SEC16A: variants seen among roughly 807,000 people sequenced by gnomAD.
SEC16A encodes protein transport protein Sec16A.
SEC16A carries 110 observed loss-of-function variants against 221.9 expected under a neutral mutation model. The ratio of observed to expected loss-of-function variants is 0.50; its 90% CI spans 0.42 to 0.58. The LOEUF is 0.58. SEC16A is among the 20% of genes least tolerant of loss of function. SEC16A has a pLI of 0.00. For synonymous variants in SEC16A, 1,393 were observed against 1,257.7 expected, an observed-to-expected ratio of 1.11 and a Z score of -2.28; for missense variants, 3,165 against 3,097.8, an observed-to-expected ratio of 1.02 and a Z score of -0.52.
chr9:136,479,246 C>T (rs1462768895), intron 1 of SEC16A, among the ~76,000 whole-genome samples: 1 of 152,194 alleles, frequency 6.6e-6, no homozygotes, highest in Admixed American at 6.5e-5. Context: ...AAGTTCTTTT[C>T]TTTCTATCAG....
chr9:136,463,949 G>A lies in SEC16A; in HGVS notation c.4447-209C>T, dbSNP rs975908414. ...GCCATGATTTCAAACTTTATTTTAA[G>A]TAGTGAAATCCATTTTCTCTCCCCA... On this transcript the variant is annotated intron_variant, in intron 9 of 31. Coordinates refer to ENST00000684901, the MANE Select transcript of SEC16A (RefSeq NM_014866.2). Among the ~76,000 whole-genome samples the A allele has an allele frequency of 5.3e-5, 8 of 152,358 alleles. No individual in the cohort carries two copies. In the South Asian group the frequency reaches 6.2e-4, roughly 12 times the overall value.
chr9:136,450,691 C>G (rs769648053), intron 23 of SEC16A, among the ~76,000 whole-genome samples: 10 of 152,164 alleles, frequency 6.6e-5, no homozygotes, highest in Non-Finnish European at 1.0e-4. Flanking sequence ...ATCCAGGGCC[C>G]TTGTCCTCTG....
intron 5 of SEC16A, 72 bp downstream of exon 5, chr9:136,468,343 G>A: frequency 1.1e-6 from 1 of 911,068 alleles, no homozygotes; most frequent in Non-Finnish European, 1.8e-6. Context: ...TGGCTGGCCA[G>A]GGCTGCATGT....
At chr9:136,443,059 G>A (rs1423260836) in intron 31 of SEC16A, among the ~76,000 whole-genome samples, 1 of 152,274 alleles carries the variant, frequency 6.6e-6, no homozygotes, top group African/African-American at 2.4e-5. Context: ...GGCCAAGGGA[G>A]GAGAGATCAC....
intron 5 of SEC16A, among the ~76,000 whole-genome samples, chr9:136,467,783 A>G (rs1258957894): frequency 6.6e-6 from 1 of 152,178 alleles, no homozygotes; most frequent in East Asian, 1.9e-4. Flanking sequence ...AATATCAAAG[A>G]GGATATTTGA....
intron 23 of SEC16A, chr9:136,448,629 T>G (rs1317383005): frequency 3.0e-6 from 2 of 659,900 alleles, no homozygotes; most frequent in African/African-American, 2.5e-5. Flanking sequence ...ACCAGGAGGA[T>G]GGAGGTGGGG....
chr9:136,446,528 T>A (rs564216499), intron 28 of SEC16A, among the ~76,000 whole-genome samples: 1 of 152,252 alleles, frequency 6.6e-6, no homozygotes, highest in South Asian at 2.1e-4. Flanking sequence ...AGTAATTAAT[T>A]TTACTTTTTC....
chr9:136,463,441 C>T (rs1204483448), intron 11 of SEC16A, 22 bp downstream of exon 11: 1 of 1,609,942 alleles, frequency 6.2e-7, no homozygotes, highest in African/African-American at 1.3e-5. Flanking sequence ...AAGAAACACT[C>T]TAGAAGTAGA....
Position 136,455,752 on chromosome 9 carries a change from C to T in SEC16A, c.5706G>A (p.Gln1902=), listed in dbSNP as rs1323908335. The part of the protein sequence containing the change: ...GVWHQDGALP[Q]QCPGTPSSEM... ...CGGAACTCGGAGTGCCAGGACACTG[C>T]TGCGGGAGGGCTCCATCCTGATGCC... The change falls in exon 20 of 32, where the codon CAG becomes CAA. Residue 1902 remains glutamine (Q), a synonymous_variant. Transcript: ENST00000684901. The T allele has an allele frequency of 1.9e-6, 3 of 1,600,666 alleles. No homozygotes were observed. Among genetic ancestry groups the T allele is most frequent in the Non-Finnish European group, 2.6e-6 (3 of 1,173,996 alleles).
At chr9:136,464,794 T>C (rs540305319) in intron 8 of SEC16A, among the ~76,000 whole-genome samples, 3 of 152,320 alleles carry the variant, frequency 2.0e-5, no homozygotes, top group African/African-American at 7.2e-5. Context: ...CCTTGTACAC[T>C]GAGAAAGCTC....
chr9:136,463,245 G>A (rs551106982), intron 11 of SEC16A, 113 bp from the exon 12 acceptor site: 51 of 1,453,306 alleles, frequency 3.5e-5, no homozygotes, highest in South Asian at 8.9e-5. Flanking sequence ...ACAACTACCC[G>A]AAAGGCTGGC....
At position 136,466,644 on chromosome 9, in the gene SEC16A, G is replaced by T. The variant is rs111516670; in HGVS notation, c.3930-182C>A. Among the ~76,000 whole-genome samples the T allele has an allele frequency of 7.2e-4, 109 of 152,332 alleles. No individual in the cohort carries two copies. The highest frequency in any genetic ancestry group is 2.5e-3 in the African/African-American group (102 of 41,578). On this transcript the variant is annotated intron_variant, in intron 6 of 31. Transcript: ENST00000684901. This position sits in a 1 kb window ranked among gnomAD's most constrained non-coding sequence, Gnocchi z 5.5. ...GAGAAGTACTGCGAATGCGTCTCCAGTGTGGTCACTTCTCTGGGCTGCAGG... is the reference window on the plus strand; with the variant it reads ...GAGAAGTACTGCGAATGCGTCTCCATTGTGGTCACTTCTCTGGGCTGCAGG...
intron 4 of SEC16A, among the ~76,000 whole-genome samples, chr9:136,470,447 G>T (rs1430693017): frequency 6.6e-6 from 1 of 152,242 alleles, no homozygotes; most frequent in Non-Finnish European, 1.5e-5. Flanking sequence ...GCCTCTCAGG[G>T]CCTCTAGGAA....
intron 13 of SEC16A, 31 bp downstream of exon 13, chr9:136,461,146 G>A: frequency 4.5e-6 from 7 of 1,546,402 alleles, no homozygotes; most frequent in Non-Finnish European, 6.2e-6. Context: ...AGCAGGGCTC[G>A]CCACTGGACC....
chr9:136,462,335 A>T (rs1839594147), intron 12 of SEC16A, among the ~76,000 whole-genome samples: 1 of 151,668 alleles, frequency 6.6e-6, no homozygotes, highest in Non-Finnish European at 1.5e-5. Context: ...GTCACTATGG[A>T]CCCCCCAACC....
chr9:136,466,228 C>A lies in SEC16A; in HGVS notation c.4128+36G>T, dbSNP rs771472008. ...GCAAACAGGATGGTGGTTCTAAACA[C>A]AACCGTCCGCGTGTCTGTGAGGCGC... On this transcript the variant is annotated intron_variant, in intron 7 of 31. Transcript: ENST00000684901. This position sits in a 1 kb window ranked among gnomAD's most constrained non-coding sequence, Gnocchi z 5.5. 6.3e-7 allele frequency: 1 copy of A among 1,582,948 alleles called. No individual in the cohort carries two copies. Among genetic ancestry groups the A allele is most frequent in the South Asian group, 1.1e-5 (1 of 87,508 alleles).
chr9:136,452,704 T>C (rs1187845354), intron 22 of SEC16A, among the ~76,000 whole-genome samples: 5 of 134,920 alleles, frequency 3.7e-5, no homozygotes, highest in Middle Eastern at 4.2e-3. Context: ...GAGGCGGAGG[T>C]TGCAGTGGCC....
In SEC16A at chr9:136,451,352, G is replaced by A. The variant is rs1204348769; in HGVS notation, c.6216C>T (p.Asp2072=). The A allele has an allele frequency of 6.2e-7, 1 of 1,613,628 alleles. No individual in the cohort carries two copies. Among genetic ancestry groups the A allele is most frequent in the African/African-American group, 1.3e-5 (1 of 74,934 alleles). The change falls in exon 23 of 32, where the codon GAC becomes GAT. Residue 2072 remains aspartate, a synonymous_variant. Coordinates refer to ENST00000684901, the MANE Select transcript of SEC16A (RefSeq NM_014866.2). ...ACAGAGGTGGCTGCGTGGGACCCGA[G>A]TCGGCACGATCCCACCCTGGGGGGG... ...SEAPPGWDRA[D]SGPTQPPLSL...
At chr9:136,481,441 G>A (rs1233487859) in intron 1 of SEC16A, among the ~76,000 whole-genome samples, 3 of 152,114 alleles carry the variant, frequency 2.0e-5, no homozygotes, top group African/African-American at 7.2e-5. Flanking sequence ...CCCGGCCCAG[G>A]GAATTTTATT....
Sources: allele counts gnomAD v4.1 joint callset (sites outside exome capture counted in the v4.1 genomes callset), GRCh38; gene constraint gnomAD v4.1.1; non-coding constraint Gnocchi (gnomAD v3.1); transcripts MANE v1.5; gene names NCBI Gene and HGNC (gene_info 2026-07-23, HGNC 2026-07-21).